The following NRG2 variants were observed in gnomAD, a reference collection of about 807,000 sequenced individuals.
NRG2 encodes pro-neuregulin-2, membrane-bound isoform.
NRG2 carries 27 observed loss-of-function variants against 73.9 expected under a neutral mutation model. The observed-to-expected ratio is 0.37, with a 90% CI of 0.27 to 0.50. The LOEUF (loss-of-function observed/expected upper bound fraction) is 0.50. Ranked by LOEUF, NRG2 falls within the 20% of genes least tolerant of loss-of-function variation. NRG2 has a pLI of 0.96. For missense variants in NRG2, 1,126 were observed against 1,210.1 expected (o/e 0.93, Z 1.03); for synonymous variants, 532 against 541.0 (o/e 0.98, Z 0.23).
At chr5:139,848,780 A>AGGCTGGTTCCTGTGGGGGGGCT in intron 9 of NRG2, 83 bp from the exon 10 acceptor site, 1 of 50,822 alleles carries the variant, frequency 2.0e-5, no homozygotes, top group Non-Finnish European at 3.8e-5. Flanking sequence ...GTAGGGTGGG[A>AGGCTGGTTCCTGTGGGGGGGCT]GGGGCGGACC....
At chr5:139,872,493 T>C (rs1561643497) in intron 3 of NRG2, among the ~76,000 whole-genome samples, 1 of 152,140 alleles carries the variant, frequency 6.6e-6, no homozygotes, top group African/African-American at 2.4e-5. Context: ...TCCATAAGCA[T>C]CTGGGGTCTT....
At chr5:139,943,541 G>A (rs1229362739) in intron 1 of NRG2, among the ~76,000 whole-genome samples, 11 of 152,098 alleles carry the variant, frequency 7.2e-5, no homozygotes, top group Admixed American at 6.5e-4. Flanking sequence ...TGTGAGCTGG[G>A]AATATTGTGA....
chr5:139,942,406 C>T (rs1267608130), intron 1 of NRG2, among the ~76,000 whole-genome samples: 6 of 152,158 alleles, frequency 3.9e-5, no homozygotes, highest in Non-Finnish European at 8.8e-5. Context: ...CTGCTGCATA[C>T]ATATTTTTGT....
rs919354836 is a variant in NRG2 at position 139,852,355 on chromosome 5, T to C, written c.1544+77A>G. The C allele has an allele frequency of 7.7e-6, 12 of 1,551,946 alleles. No individual in the cohort carries two copies. The African/African-American group carries it at 1.5e-4, about 19-fold the overall frequency. Reference sequence around the variant, plus strand: ...GGGGAGGGTATTGAATAGCTCTGGATGTCGGAGTAAGTGGGCACTTTGCGC... The same window carrying C: ...GGGGAGGGTATTGAATAGCTCTGGACGTCGGAGTAAGTGGGCACTTTGCGC... On this transcript the variant is annotated intron_variant, in intron 8 of 9. Transcript: ENST00000361474. The surrounding 1 kb of genome is among the most constrained non-coding windows in gnomAD (Gnocchi z 4.4).
At chr5:140,031,928 T>C (rs1272029307) in intron 1 of NRG2, among the ~76,000 whole-genome samples, 2 of 151,970 alleles carry the variant, frequency 1.3e-5, no homozygotes, top group Non-Finnish European at 2.9e-5. Context: ...AGAAAATGCC[T>C]CATTTCAAGG....
chr5:139,871,360 G>T (rs142136782), intron 4 of NRG2, among the ~76,000 whole-genome samples: 159 of 152,236 alleles, frequency 1.0e-3, no homozygotes, highest in Non-Finnish European at 2.0e-3. Flanking sequence ...AGGAAAAGAG[G>T]GGGGGAAAGA....
In NRG2 at chr5:139,855,858, C is replaced by G; in HGVS notation, c.1190-80G>C. On this transcript the variant is annotated intron_variant, in intron 5 of 9. Transcript: ENST00000361474. ...TAGTGGTGCAGAGACCCCTTTGCCC[C>G]CAAAGCCATAGGCTCTCCCCAGCTC... The G allele has an allele frequency of 3.5e-6, 4 of 1,133,662 alleles. No homozygotes were observed. In the South Asian group the frequency reaches 5.0e-5, roughly 14 times the overall value. 70.2% of individuals were successfully genotyped at this position (1,133,662 alleles called of 1,614,324 possible). A position where few individuals can be genotyped will look rare whatever the true frequency, so the allele number is the denominator to read the frequency against.
chr5:139,968,977 G>GTAA (rs1037900426), intron 1 of NRG2, among the ~76,000 whole-genome samples: 1 of 152,192 alleles, frequency 6.6e-6, no homozygotes, highest in Non-Finnish European at 1.5e-5. Flanking sequence ...GTTCAGGCAG[G>GTAA]TAATGCCCCG....
intron 1 of NRG2, among the ~76,000 whole-genome samples, chr5:140,041,627 A>G (rs1450786581): frequency 2.0e-5 from 3 of 150,466 alleles, no homozygotes; most frequent in South Asian, 2.1e-4. Flanking sequence ...TTTCATCATC[A>G]TCACAATCAA....
chr5:139,926,726 G>A (rs1171649560), intron 1 of NRG2, among the ~76,000 whole-genome samples: 1 of 152,156 alleles, frequency 6.6e-6, no homozygotes, highest in Non-Finnish European at 1.5e-5. Flanking sequence ...ATGCATGAAT[G>A]TTCATCTATC....
chr5:139,871,681 C>A, intron 4 of NRG2, 40 bp downstream of exon 4: 1 of 1,611,746 alleles, frequency 6.2e-7, no homozygotes, highest in African/African-American at 1.3e-5. Context: ...CATCTCCTAC[C>A]CTGTTCTTGC....
Position 139,869,114 on chromosome 5 carries a change from G to A in NRG2, c.1112+2607C>T, listed in dbSNP as rs574020651. On this transcript the variant is annotated intron_variant, in intron 4 of 9. Transcript: ENST00000361474. This position sits in a 1 kb window ranked among gnomAD's most constrained non-coding sequence, Gnocchi z 4.5. ...GACTCCCATTTTCAAATCCCCCTAC[G>A]TTGTCTTTTTTTAAAACAAAATTCA... Among the ~76,000 whole-genome samples, 25 of 151,968 alleles carry A rather than the reference G, an allele frequency of 1.6e-4. No homozygotes were observed. The highest frequency in any genetic ancestry group is 2.9e-4 in the Non-Finnish European group (20 of 67,980).
intron 1 of NRG2, among the ~76,000 whole-genome samples, chr5:139,891,232 T>G (rs1160800971): frequency 2.0e-5 from 3 of 152,226 alleles, no homozygotes; most frequent in Admixed American, 6.5e-5. Flanking sequence ...CTGTGGCCAC[T>G]GCTTAGTGGT....
chr5:139,867,762 C>CTGTGTGTGTG lies in NRG2; in HGVS notation c.1113-2147_1113-2138dup, dbSNP rs367771225. Reference sequence around the variant, plus strand: ...GCCCAGCTCTTGGAGGAAGGGAAACCTGTGTGTGTGTGTGTGTGTGTGTGT... The same window carrying CTGTGTGTGTG: ...GCCCAGCTCTTGGAGGAAGGGAAACCTGTGTGTGTGTGTGTGTGTGTGTGTGTGTGTGTGT... On this transcript the variant is annotated intron_variant, in intron 4 of 9. Coordinates refer to ENST00000361474, the MANE Select transcript of NRG2 (RefSeq NM_004883.3). Among the ~76,000 whole-genome samples, 348 of 128,844 alleles carry CTGTGTGTGTG rather than the reference C, an allele frequency of 2.7e-3. 3 individuals carry two copies. The highest frequency in any genetic ancestry group is 0.014 in the East Asian group (58 of 4,248). 84.5% of individuals were successfully genotyped at this position (128,844 alleles called of 152,430 possible). A position where few individuals can be genotyped will look rare whatever the true frequency, so the allele number is the denominator to read the frequency against.
chr5:140,034,732 TAA>T (rs1270477470), intron 1 of NRG2, among the ~76,000 whole-genome samples: 3 of 152,108 alleles, frequency 2.0e-5, no homozygotes, highest in Non-Finnish European at 4.4e-5. Context: ...ATTAAATGAA[TAA>T]TACCATTTAT....
chr5:139,874,718 C>A (rs1159767700), intron 3 of NRG2, among the ~76,000 whole-genome samples: 1 of 152,224 alleles, frequency 6.6e-6, no homozygotes, highest in African/African-American at 2.4e-5. Context: ...TCCATTTGCA[C>A]TCAGAATAAA....
At chr5:139,913,528 C>G (rs1230272178) in intron 1 of NRG2, among the ~76,000 whole-genome samples, 2 of 152,210 alleles carry the variant, frequency 1.3e-5, no homozygotes. Flanking sequence ...CTCAGGGGCT[C>G]CCCCGGCAGC....
intron 2 of NRG2, among the ~76,000 whole-genome samples, chr5:139,881,989 C>T (rs1763553252): frequency 6.6e-6 from 1 of 152,204 alleles, no homozygotes; most frequent in African/African-American, 2.4e-5. Flanking sequence ...CCAGCATGAG[C>T]TCTGGATAAA....
At chr5:139,985,147 C>A (rs754897564) in intron 1 of NRG2, among the ~76,000 whole-genome samples, 3 of 151,900 alleles carry the variant, frequency 2.0e-5, no homozygotes, top group Non-Finnish European at 4.4e-5. Context: ...TGAGACCAGC[C>A]TGGCCAACAT....
Sources: allele counts gnomAD v4.1 joint callset (sites outside exome capture counted in the v4.1 genomes callset), GRCh38; gene constraint gnomAD v4.1.1; non-coding constraint Gnocchi (gnomAD v3.1); transcripts MANE v1.5; gene names NCBI Gene and HGNC (gene_info 2026-07-23, HGNC 2026-07-21).